DGKG: variants seen among roughly 807,000 people sequenced by gnomAD.
DGKG encodes the protein diacylglycerol kinase gamma, also known as DAG kinase gamma.
Under a neutral mutation model 105.3 loss-of-function variants are expected in DGKG, and 78 were observed. The ratio of observed to expected loss-of-function variants is 0.74; its 90% CI spans 0.62 to 0.89. The LOEUF is 0.89. Among genes scored for constraint, DGKG ranks in the 40% least tolerant of loss-of-function variants. The probability of loss-of-function intolerance (pLI) is 0.00; values close to 1 mark genes in which losing one functional copy is unlikely to be tolerated. For missense variants in DGKG, 958 were observed against 1,020.1 expected, an observed-to-expected ratio of 0.94 and a Z score of 0.83; for synonymous variants, 346 against 367.1, an observed-to-expected ratio of 0.94 and a Z score of 0.66.
At position 186,148,462 on chromosome 3, in the gene DGKG, G is replaced by A. The variant is rs200052287; in HGVS notation, c.*1628C>T. 52 of 985,374 alleles carry A rather than the reference G, an allele frequency of 5.3e-5. No homozygotes were observed. In the East Asian group the frequency reaches 3.0e-3, roughly 56 times the overall value. The allele number at this position is 985,374 out of a possible 1,614,324, so 61.0% of individuals were successfully genotyped here. A position where few individuals can be genotyped will look rare whatever the true frequency, so the allele number is the denominator to read the frequency against. Reference sequence around the variant, plus strand: ...GAACCTCTGGGAAGCAGCATGAGGCGCTCGTTTTCTTGTGTGGGGATATCC... The same window carrying A: ...GAACCTCTGGGAAGCAGCATGAGGCACTCGTTTTCTTGTGTGGGGATATCC... On this transcript the variant is annotated 3_prime_UTR_variant, in exon 25 of 25. Transcript: ENST00000265022.
At chr3:186,272,378 A>G (rs756201657) in intron 10 of DGKG, 35 bp from the exon 11 acceptor site, 1 of 1,511,434 alleles carries the variant, frequency 6.6e-7, no homozygotes, top group Non-Finnish European at 9.2e-7. Flanking sequence ...GGTGCTTGTG[A>G]ATAGCCACGT....
At chr3:186,154,644 C>CAAAAAAAAAAAAAAAAAAAAAAA (rs60767699) in intron 24 of DGKG, among the ~76,000 whole-genome samples, 1 of 39,974 alleles carries the variant, frequency 2.5e-5, no homozygotes, top group Non-Finnish European at 5.4e-5. Flanking sequence ...GACTCTGTCT[C>CAAAAAAAAAAAAAAAAAAAAAAA]AAAAAAAAAA....
intron 24 of DGKG, among the ~76,000 whole-genome samples, chr3:186,154,129 C>G (rs1364383024): frequency 6.6e-6 from 1 of 152,098 alleles, no homozygotes; most frequent in Non-Finnish European, 1.5e-5. Context: ...AGAAAAGTGT[C>G]TGAGGTCTGC....
intron 2 of DGKG, among the ~76,000 whole-genome samples, chr3:186,308,182 A>G (rs745501901): frequency 7.2e-5 from 11 of 152,224 alleles, no homozygotes; most frequent in African/African-American, 1.9e-4. Flanking sequence ...GCTGCTTTCC[A>G]TAGGAAATCA....
chr3:186,249,076 G>T (rs1362321643), intron 19 of DGKG, among the ~76,000 whole-genome samples: 1 of 152,164 alleles, frequency 6.6e-6, no homozygotes, highest in African/African-American at 2.4e-5. Context: ...TGTTCCTGCT[G>T]GGGGAAGCGG....
In DGKG at chr3:186,306,928, C is replaced by T. The variant is rs781732275; in HGVS notation, c.117G>A (p.Gly39=). 1.2e-6 allele frequency: 2 copies of T among 1,612,420 alleles called. No homozygotes were observed. Among genetic ancestry groups the T allele is most frequent in the South Asian group, 1.1e-5 (1 of 91,030 alleles). ...CATGTGGGTCATATTGTTTGAGGCTCCCACCCTCATTAAATTCAGTCAAGG... is the reference window on the plus strand; with the variant it reads ...CATGTGGGTCATATTGTTTGAGGCTTCCACCCTCATTAAATTCAGTCAAGG... ...KDALTEFNEG[G]SLKQYDPHEP... is the part of the protein sequence containing the mutation. The change falls in exon 3 of 25, where the codon GGG becomes GGA. Residue 39 remains glycine (G), a synonymous_variant. Transcript: ENST00000265022.
intron 22 of DGKG, among the ~76,000 whole-genome samples, chr3:186,184,174 C>T (rs572550719): frequency 9.9e-5 from 15 of 152,066 alleles, no homozygotes; most frequent in African/African-American, 3.4e-4. Flanking sequence ...CTTTCACATC[C>T]ATCATCTTCC....
At chr3:186,151,306 G>T (rs1715747044) in intron 24 of DGKG, among the ~76,000 whole-genome samples, 1 of 152,230 alleles carries the variant, frequency 6.6e-6, no homozygotes, top group South Asian at 2.1e-4. Context: ...ACTCATTCTT[G>T]TGGTTTTTAC....
chr3:186,229,042 AAGG>A (rs1719998129), intron 20 of DGKG, among the ~76,000 whole-genome samples: 1 of 152,158 alleles, frequency 6.6e-6, no homozygotes, highest in Admixed American at 6.5e-5. Flanking sequence ...TTATAAGAAG[AAGG>A]AGATTTGAAC....
At chr3:186,218,497 C>A (rs867108241) in intron 20 of DGKG, among the ~76,000 whole-genome samples, 35 of 81,736 alleles carry the variant, frequency 4.3e-4, no homozygotes, top group African/African-American at 1.2e-3. Flanking sequence ...AGCGAGACTC[C>A]GTCTGAAAAA....
rs149520399 is a variant in DGKG, at chr3:186,358,271, G to A, written c.-249+3675C>T. Among the ~76,000 whole-genome samples the A allele has an allele frequency of 2.3e-3, 348 of 152,382 alleles. 2 individuals carry two copies. Among genetic ancestry groups the A allele is most frequent in the African/African-American group, 8.1e-3 (338 of 41,594 alleles). ...ATATGCAAATAGTGACTTCGCCATAGCGAGGTAAGCTTACGCACAGGTGCT... is the reference window on the plus strand; with the variant it reads ...ATATGCAAATAGTGACTTCGCCATAACGAGGTAAGCTTACGCACAGGTGCT... On this transcript the variant is annotated intron_variant, in intron 1 of 24. Transcript: ENST00000265022.
At chr3:186,306,362 T>G (rs1050314484) in intron 3 of DGKG, among the ~76,000 whole-genome samples, 1 of 151,754 alleles carries the variant, frequency 6.6e-6, no homozygotes, top group African/African-American at 2.4e-5. Context: ...AAAGCTGATA[T>G]GAAGGAGACA....
intron 19 of DGKG, 164 bp from the exon 20 acceptor site, chr3:186,242,732 A>T (rs992515775): frequency 1.4e-5 from 8 of 557,722 alleles, no homozygotes; most frequent in Non-Finnish European, 2.2e-5. Context: ...CAGAGGCTCA[A>T]CACTGCCTCC....
intron 5 of DGKG, among the ~76,000 whole-genome samples, chr3:186,293,823 C>T (rs1016989792): frequency 7.2e-5 from 11 of 152,138 alleles, no homozygotes; most frequent in Non-Finnish European, 1.6e-4. Flanking sequence ...TCTTCCTTGC[C>T]GGCAGAGGCC....
chr3:186,340,589 T>C (rs1037162911), intron 1 of DGKG, among the ~76,000 whole-genome samples: 3 of 152,212 alleles, frequency 2.0e-5, no homozygotes, highest in African/African-American at 4.8e-5. Flanking sequence ...AGCCACCCTG[T>C]TGCTGATGGA....
chr3:186,173,286 C>T (rs1716915854), intron 22 of DGKG, among the ~76,000 whole-genome samples: 1 of 152,236 alleles, frequency 6.6e-6, no homozygotes, highest in African/African-American at 2.4e-5. Flanking sequence ...ATAAACCCTA[C>T]TTCACTGTGT....
At chr3:186,158,560 C>G in intron 24 of DGKG, 1 of 951,308 alleles carries the variant, frequency 1.1e-6, no homozygotes, top group Non-Finnish European at 1.3e-6. Context: ...TTTTATGGAG[C>G]TTTTTGCCTT....
At chr3:186,160,639 G>A (rs1716247485) in intron 24 of DGKG, 1 of 985,304 alleles carries the variant, frequency 1.0e-6, no homozygotes, top group African/African-American at 1.7e-5. Flanking sequence ...CAAAATAGCA[G>A]GTGATCAAAG....
At chr3:186,180,022 G>C (rs1717282844) in intron 22 of DGKG, among the ~76,000 whole-genome samples, 1 of 152,194 alleles carries the variant, frequency 6.6e-6, no homozygotes, top group African/African-American at 2.4e-5. Flanking sequence ...GACTCTGCCA[G>C]GCACAGGGAT....
Sources: allele counts gnomAD v4.1 joint callset (sites outside exome capture counted in the v4.1 genomes callset), GRCh38; gene constraint gnomAD v4.1.1; transcripts MANE v1.5; gene names NCBI Gene and HGNC (gene_info 2026-07-23, HGNC 2026-07-21).